CRIPTO: variants seen among roughly 807,000 people sequenced by gnomAD.
CRIPTO encodes protein Cripto.
At chr3:46,579,926 T>C in the CRIPTO span, 1 of 1,614,162 alleles carries the variant, frequency 6.2e-7, no homozygotes, top group Non-Finnish European at 8.5e-7. Context: ...GACCCAAGGC[T>C]ATCGCCTTAC....
chr3:46,578,366 CAA>C, the CRIPTO span, among the ~76,000 whole-genome samples: 56,135 of 138,208 alleles, frequency 0.41, 11,565 homozygotes, highest in Middle Eastern at 0.52. Flanking sequence ...AAGATAATAG[CAA>C]AAAAAAAAAA....
the CRIPTO span, chr3:46,579,012 T>A: frequency 1.4e-6 from 2 of 1,470,110 alleles, no homozygotes; most frequent in Non-Finnish European, 1.9e-6. Context: ...GGTCTTGTCC[T>A]TGTGATGAGA....
At chr3:46,580,051 C>G in the CRIPTO span, 1 of 1,614,216 alleles carries the variant, frequency 6.2e-7, no homozygotes, top group South Asian at 1.1e-5. Flanking sequence ...GGCATTTCTA[C>G]CCGGCTGTGG....
the CRIPTO span, chr3:46,574,561 T>A: frequency 6.6e-6 from 1 of 152,284 alleles, no homozygotes; most frequent in East Asian, 1.9e-4. Flanking sequence ...CCTGCCTGGA[T>A]GTTCAAGGGA....
At chr3:46,578,383 ACC>A in the CRIPTO span, among the ~76,000 whole-genome samples, 4,967 of 132,748 alleles carry the variant, frequency 0.037, 191 homozygotes, top group East Asian at 0.17. Context: ...AAAAAAAAAA[ACC>A]CACATTTTTT....
chr3:46,578,751 A>C, the CRIPTO span, among the ~76,000 whole-genome samples: 3 of 152,222 alleles, frequency 2.0e-5, no homozygotes, highest in Non-Finnish European at 2.9e-5. Context: ...ATTCATCGGT[A>C]ACATGGGATG....
chr3:46,579,014 G>T, the CRIPTO span: 1 of 1,478,428 alleles, frequency 6.8e-7, no homozygotes, highest in South Asian at 1.1e-5. Context: ...TCTTGTCCTT[G>T]TGATGAGAGG....
the CRIPTO span, chr3:46,579,587 C>T: frequency 8.7e-7 from 1 of 1,155,014 alleles, no homozygotes; most frequent in Admixed American, 1.9e-5. Flanking sequence ...CCAGAACCAC[C>T]ACTGGCCTAT....
chr3:46,580,298 T>C, the CRIPTO span, among the ~76,000 whole-genome samples: 1 of 152,236 alleles, frequency 6.6e-6, no homozygotes, highest in Non-Finnish European at 1.5e-5. Flanking sequence ...ATTTCAAGTC[T>C]ATTTGACATT....
chr3:46,582,104 C>T, the CRIPTO span: 1 of 152,088 alleles, frequency 6.6e-6, no homozygotes, highest in African/African-American at 2.4e-5. Context: ...AAATGGGTTA[C>T]TTGATTGGTG....
the CRIPTO span, among the ~76,000 whole-genome samples, chr3:46,578,252 T>C: frequency 6.6e-6 from 1 of 152,226 alleles, no homozygotes; most frequent in Middle Eastern, 3.4e-3. Flanking sequence ...TATGAAATAG[T>C]GTTTCTTTAT....
chr3:46,581,050 G>A, the CRIPTO span: 56 of 1,009,764 alleles, frequency 5.5e-5, no homozygotes, highest in East Asian at 1.2e-3. Context: ...TCACAGTAGC[G>A]TATAGATATG....
At chr3:46,582,217 A>C in the CRIPTO span, 1 of 152,104 alleles carries the variant, frequency 6.6e-6, no homozygotes, top group Non-Finnish European at 1.5e-5. Context: ...TTTTTTCCCA[A>C]AGGCATTATA....
At chr3:46,580,790 A>G in the CRIPTO span, among the ~76,000 whole-genome samples, 1 of 152,148 alleles carries the variant, frequency 6.6e-6, no homozygotes, top group African/African-American at 2.4e-5. Flanking sequence ...GAAAGCAAAC[A>G]TTTCACTGAG....
chr3:46,579,247 A>AATTT, the CRIPTO span: 2 of 1,614,132 alleles, frequency 1.2e-6, no homozygotes, highest in Admixed American at 3.3e-5. Context: ...GGCCATCAGG[A>AATTT]ATTTGCTCGT....
chr3:46,576,160 C>T, the CRIPTO span, among the ~76,000 whole-genome samples: 1 of 152,172 alleles, frequency 6.6e-6, no homozygotes, highest in Non-Finnish European at 1.5e-5. Flanking sequence ...AATTATTTTA[C>T]GTTTGCTTCT....
the CRIPTO span, chr3:46,579,701 C>T: frequency 6.2e-7 from 1 of 1,606,038 alleles, no homozygotes; most frequent in South Asian, 1.1e-5. Context: ...TGCACTTTTC[C>T]ATCCCTACAC....
At chr3:46,576,996 G>C in the CRIPTO span, among the ~76,000 whole-genome samples, 1 of 152,132 alleles carries the variant, frequency 6.6e-6, no homozygotes, top group Non-Finnish European at 1.5e-5. Flanking sequence ...GGGAGGCTGA[G>C]ATAAATTCCC....
chr3:46,578,028 A>C, the CRIPTO span: 1 of 1,613,300 alleles, frequency 6.2e-7, no homozygotes. Context: ...TTGAATGTGA[A>C]CTTTTTTTGA....
Sources: gnomAD v4.1 joint callset for allele counts (sites outside exome capture counted in the v4.1 genomes callset) on GRCh38, gnomAD v4.1.1 for gene constraint, MANE v1.5 for transcripts, NCBI Gene and HGNC (gene_info 2026-07-23, HGNC 2026-07-21) for gene names.